The following POM121 variants were observed in gnomAD, a reference collection of about 807,000 sequenced individuals.
POM121 encodes POM121 transmembrane nucleoporin, also known as nuclear envelope pore membrane protein POM 121.
In POM121, 32 loss-of-function variants were observed where a neutral mutation model predicts 81.3. The observed-to-expected ratio is 0.39, with a 90% CI of 0.30 to 0.53. The LOEUF (loss-of-function observed/expected upper bound fraction) is 0.53. Among genes scored for constraint, POM121 ranks in the 20% least tolerant of loss-of-function variants. POM121 has a pLI of 0.66. For missense variants in POM121, 1,138 were observed against 1,614.6 expected (o/e 0.70, Z 5.06); for synonymous variants, 514 against 694.2 (o/e 0.74, Z 4.08).
rs1429327975 is a variant in POM121, at chr7:72,946,590, G to A, written c.*356G>A. The A allele has an allele frequency of 1.2e-5, 12 of 1,038,190 alleles. No individual in the cohort carries two copies. The highest frequency in any genetic ancestry group is 1.0e-4 in the African/African-American group (6 of 58,410). 64.3% of individuals were successfully genotyped at this position (1,038,190 alleles called of 1,614,324 possible). On this transcript the variant is annotated 3_prime_UTR_variant, in exon 13 of 13. Coordinates refer to ENST00000434423, the MANE Select transcript of POM121 (RefSeq NM_001387691.1). Reference sequence around the variant, plus strand: ...TCCACCTTTCCCCGAGACCGTCGTCGCTGGAGGGGGCAGGGTCCAGCCCGC... The same window carrying A: ...TCCACCTTTCCCCGAGACCGTCGTCACTGGAGGGGGCAGGGTCCAGCCCGC...
At position 72,884,395 on chromosome 7, in the gene POM121, G is replaced by A. The variant is rs577854884; in HGVS notation, c.-521+4510G>A. Among the ~76,000 whole-genome samples the A allele has an allele frequency of 4.7e-3, 715 of 151,594 alleles. 6 individuals are homozygous for A. Among genetic ancestry groups the A allele is most frequent in the Non-Finnish European group, 8.2e-3 (559 of 67,896 alleles). On this transcript the variant is annotated intron_variant, in intron 1 of 15. Transcript: ENST00000395270. ...TTGTGATTCTTTTTGAAAATTAAGT[G>A]GTTCCATCTTTGGCCAGACGGAATC...
rs538305936 is a variant in POM121, at chr7:72,929,430, G to A, written c.1104-510G>A. On this transcript the variant is annotated intron_variant, in intron 4 of 12. Transcript: ENST00000434423. ...GATGACTGTCCTACAGAAAAGATGC[G>A]TAGGAGATTTCTGTTTCCATTGGAG... Among the ~76,000 whole-genome samples, 17 of 152,298 alleles carry A rather than the reference G, an allele frequency of 1.1e-4. 1 individual carries two copies. The South Asian group carries it at 1.4e-3, about 13-fold the overall frequency.
At chr7:72,898,146 T>C (rs1554492005) in intron 3 of POM121, among the ~76,000 whole-genome samples, 1 of 152,236 alleles carries the variant, frequency 6.6e-6, no homozygotes, top group Non-Finnish European at 1.5e-5. Flanking sequence ...GGAGTTGTTA[T>C]TTATTGAGTT....
At chr7:72,879,388 A>G (rs1554488854) in exon 1 of POM121, 3 of 188,094 alleles carry the variant, frequency 1.6e-5, no homozygotes, top group African/African-American at 4.8e-5. Context: ...TCTTCAGGTC[A>G]CCGCTTGCTC....
chr7:72,937,891 G>A (rs1796667245), intron 5 of POM121, among the ~76,000 whole-genome samples: 1 of 152,172 alleles, frequency 6.6e-6, no homozygotes, highest in Non-Finnish European at 1.5e-5. Flanking sequence ...TGTTGCAAAA[G>A]TCATAAACGT....
chr7:72,897,610 G>A (rs1430814007), intron 3 of POM121, among the ~76,000 whole-genome samples: 3 of 152,182 alleles, frequency 2.0e-5, no homozygotes, highest in African/African-American at 7.2e-5. Flanking sequence ...GTTCATAGGA[G>A]AACTCTGGTC....
chr7:72,948,432 A>G, downstream of POM121: 1 of 1,613,368 alleles, frequency 6.2e-7, no homozygotes, highest in Non-Finnish European at 8.5e-7. Context: ...TCTTCCACGG[A>G]GAGGACAGGC....
chr7:72,927,603 G>A (rs1554497806), intron 3 of POM121, among the ~76,000 whole-genome samples: 2 of 151,844 alleles, frequency 1.3e-5, no homozygotes, highest in African/African-American at 2.4e-5. Flanking sequence ...CCAGCTACTC[G>A]GAAGGCTGAG....
intron 6 of POM121, 26 bp downstream of exon 6, chr7:72,938,707 C>T (rs1554500042): frequency 6.2e-7 from 1 of 1,608,892 alleles, no homozygotes; most frequent in East Asian, 2.2e-5. Context: ...CTGCAGTTTT[C>T]ATTTGCTGCG....
intron 1 of POM121, among the ~76,000 whole-genome samples, chr7:72,882,853 A>G (rs1263516746): frequency 1.3e-5 from 2 of 152,134 alleles, no homozygotes; most frequent in African/African-American, 4.8e-5. Context: ...GTGACCAGTG[A>G]TTTAATTGCA....
At chr7:72,932,008 G>A (rs868913695) in intron 5 of POM121, among the ~76,000 whole-genome samples, 1 of 149,538 alleles carries the variant, frequency 6.7e-6, no homozygotes, top group Admixed American at 6.7e-5. Context: ...TCAATATATC[G>A]TGTTTTAAAG....
At chr7:72,945,536 T>A in intron 11 of POM121, 50 bp from the exon 12 acceptor site, 1 of 1,607,116 alleles carries the variant, frequency 6.2e-7, no homozygotes, top group Non-Finnish European at 8.5e-7. Context: ...GGCTCCTCGC[T>A]TGCCTCTGCC....
intron 3 of POM121, among the ~76,000 whole-genome samples, chr7:72,895,014 A>G (rs1433770785): frequency 1.3e-5 from 2 of 152,066 alleles, no homozygotes; most frequent in Admixed American, 6.6e-5. Flanking sequence ...TTTCTATAGA[A>G]GTGGAGTCTT....
At position 72,925,434 on chromosome 7, in the gene POM121, C is replaced by T. The variant is rs1428729818; in HGVS notation, c.313C>T (p.Leu105=). ...TCGGAAGGCGCGTCATCGGCGAACA[C>T]TGTTCGCTTCGCCTCTGGCCAAGTC... ...FVRKARHRRT[L]FASPLAKSTA... is the part of the protein sequence containing the mutation. The change falls in exon 1 of 13, where the codon CTG becomes TTG. Residue 105 remains leucine, a synonymous_variant. Transcript: ENST00000434423. 3.9e-6 allele frequency: 6 copies of T among 1,533,798 alleles called. No individual in the cohort carries two copies. The African/African-American group carries it at 8.2e-5, about 21-fold the overall frequency.
At chr7:72,938,144 TC>T (rs1796694333) in intron 5 of POM121, among the ~76,000 whole-genome samples, 1 of 152,174 alleles carries the variant, frequency 6.6e-6, no homozygotes, top group South Asian at 2.1e-4. Flanking sequence ...TATAGACTTT[TC>T]TTCTTTTGCT....
At chr7:72,885,294 G>A (rs1554489883) in intron 1 of POM121, among the ~76,000 whole-genome samples, 4 of 152,150 alleles carry the variant, frequency 2.6e-5, no homozygotes, top group Non-Finnish European at 4.4e-5. Flanking sequence ...CTGGTTGGGT[G>A]GAGTGTTTGA....
intron 1 of POM121, among the ~76,000 whole-genome samples, chr7:72,883,462 A>G (rs1790368826): frequency 6.6e-6 from 1 of 152,162 alleles, no homozygotes; most frequent in African/African-American, 2.4e-5. Flanking sequence ...CCAATAAGGA[A>G]TCTTTTTAAA....
intron 7 of POM121, 94 bp downstream of exon 7, chr7:72,939,503 G>A: frequency 1.3e-6 from 2 of 1,521,148 alleles, no homozygotes; most frequent in Non-Finnish European, 8.9e-7. Context: ...AAGGTCTTGA[G>A]CATTGCTATG....
chr7:72,895,614 G>C (rs1278147551), intron 3 of POM121, among the ~76,000 whole-genome samples: 1 of 152,126 alleles, frequency 6.6e-6, no homozygotes, highest in Non-Finnish European at 1.5e-5. Flanking sequence ...TCTTCCTAAA[G>C]CATGGATCTA....
Sources: allele counts gnomAD v4.1 joint callset (sites outside exome capture counted in the v4.1 genomes callset), GRCh38; gene constraint gnomAD v4.1.1; transcripts MANE v1.5; gene names NCBI Gene and HGNC (gene_info 2026-07-23, HGNC 2026-07-21).